The following MEX3C variants were observed in gnomAD, a reference collection of about 807,000 sequenced individuals.
MEX3C encodes the protein RNA-binding E3 ubiquitin-protein ligase MEX3C.
In MEX3C, 15 loss-of-function variants were observed where a neutral mutation model predicts 35.5. That is an observed-to-expected ratio of 0.42 (90% CI 0.28 to 0.65). MEX3C has a LOEUF of 0.65. MEX3C is among the 30% of genes least tolerant of loss of function. The pLI is 0.20. For synonymous variants in MEX3C, 390 were observed against 352.8 expected (o/e 1.11, Z -1.18); for missense variants, 711 against 842.8 (o/e 0.84, Z 1.94).
intron 1 of MEX3C, among the ~76,000 whole-genome samples, chr18:51,181,554 T>C (rs1338758025): frequency 2.0e-5 from 3 of 152,198 alleles, no homozygotes; most frequent in African/African-American, 7.2e-5. Context: ...GCTGTGAGAG[T>C]ATAAACTGCC....
In MEX3C at chr18:51,177,861, C is replaced by A. The variant is rs899698253; in HGVS notation, c.755-285G>T. ...CCACTTTAACTTAACATTACTCTTTCCTCTGTAAAACTCAATTGATGACAA... is the reference window on the plus strand; with the variant it reads ...CCACTTTAACTTAACATTACTCTTTACTCTGTAAAACTCAATTGATGACAA... On this transcript the variant is annotated intron_variant, in intron 1 of 1. Transcript: ENST00000406189. This position sits in a 1 kb window ranked among gnomAD's most constrained non-coding sequence, Gnocchi z 4.2. Among the ~76,000 whole-genome samples, 1 of 152,156 alleles carries A rather than the reference C, an allele frequency of 6.6e-6. No individual in the cohort carries two copies. Among genetic ancestry groups the A allele is most frequent in the African/African-American group, 2.4e-5 (1 of 41,432 alleles).
intron 1 of MEX3C, among the ~76,000 whole-genome samples, chr18:51,186,163 A>G (rs1354930466): frequency 6.6e-6 from 1 of 152,202 alleles, no homozygotes; most frequent in Admixed American, 6.5e-5. Context: ...TAAATTCCCT[A>G]TAAAGATGCT....
rs1187079154 is a variant in MEX3C at position 51,197,065 on chromosome 18, C to T, written c.256G>A (p.Glu86Lys). 5.0e-6 allele frequency: 7 copies of T among 1,402,716 alleles called. No homozygotes were observed. In the South Asian group the frequency reaches 1.1e-4, roughly 21 times the overall value. The allele number at this position is 1,402,716 out of a possible 1,614,324, so 86.9% of individuals were successfully genotyped here. A position where few individuals can be genotyped will look rare whatever the true frequency, so the allele number is the denominator to read the frequency against. The part of the protein sequence containing the change: ...AAQGQARRAA[E>K]LSPEERAPPG... Reference sequence around the variant, plus strand: ...GGAGCCCGCTCCTCTGGAGACAGCTCCGCCGCCCGCCGGGCCTGGCCCTGC... The same window carrying T: ...GGAGCCCGCTCCTCTGGAGACAGCTTCGCCGCCCGCCGGGCCTGGCCCTGC... Residue 86 changes from glutamate to lysine, a missense_variant, in exon 1 of 2, where the codon GAG (glutamate) becomes AAG (lysine). Around this residue, in one of 4 missense-constraint regions of MEX3C, gnomAD observed 354 missense variants for 311.6 expected, o/e 1.14. Coordinates refer to ENST00000406189, the MANE Select transcript of MEX3C (RefSeq NM_016626.5).
rs907255756 is a variant in MEX3C at position 51,175,543 on chromosome 18, C to T, written c.*808G>A. 6.5e-6 allele frequency: 1 copy of T among 152,686 alleles called. No homozygotes were observed. Among genetic ancestry groups the T allele is most frequent in the Non-Finnish European group, 1.5e-5 (1 of 68,028 alleles). 9.5% of individuals were successfully genotyped at this position (152,686 alleles called of 1,614,324 possible). A position where few individuals can be genotyped will look rare whatever the true frequency, so the allele number is the denominator to read the frequency against. On this transcript the variant is annotated 3_prime_UTR_variant, in exon 2 of 2. Transcript: ENST00000406189. ...TTTTGATCTATAGTCTAAAAATTAA[C>T]AGCTCGATCACACTAATGAATGGAA...
intron 1 of MEX3C, among the ~76,000 whole-genome samples, chr18:51,191,422 A>G (rs564533072): frequency 2.7e-4 from 41 of 152,188 alleles, no homozygotes; most frequent in Non-Finnish European, 4.0e-4. Flanking sequence ...AATGACTAAA[A>G]TGAGCAGAGC....
At chr18:51,192,616 T>TAC (rs1912675817) in intron 1 of MEX3C, among the ~76,000 whole-genome samples, 1 of 152,186 alleles carries the variant, frequency 6.6e-6, no homozygotes, top group Admixed American at 6.5e-5. Context: ...TTCAGTATCC[T>TAC]ACGATTAGGG....
At chr18:51,187,613 C>G (rs1260069242) in intron 1 of MEX3C, among the ~76,000 whole-genome samples, 1 of 152,080 alleles carries the variant, frequency 6.6e-6, no homozygotes, top group Non-Finnish European at 1.5e-5. Context: ...GAGGCTGAGA[C>G]AGAAGAATCG....
chr18:51,182,286 G>A (rs1308256166), intron 1 of MEX3C, among the ~76,000 whole-genome samples: 1 of 145,720 alleles, frequency 6.9e-6, no homozygotes, highest in Non-Finnish European at 1.6e-5. Flanking sequence ...AGGCATCCCT[G>A]TTGGATAAGG....
intron 1 of MEX3C, among the ~76,000 whole-genome samples, chr18:51,188,777 T>C (rs964592733): frequency 6.6e-6 from 1 of 152,202 alleles, no homozygotes; most frequent in South Asian, 2.1e-4. Flanking sequence ...CTTTAACCAA[T>C]ATTAATAATG....
intron 1 of MEX3C, chr18:51,192,843 G>A (rs1258434711): frequency 6.6e-6 from 1 of 152,138 alleles, no homozygotes; most frequent in East Asian, 1.9e-4. Flanking sequence ...ACCTAACATA[G>A]TACTAAGCAA....
intron 1 of MEX3C, among the ~76,000 whole-genome samples, chr18:51,182,848 C>T (rs1009489478): frequency 6.6e-5 from 10 of 152,186 alleles, no homozygotes; most frequent in African/African-American, 2.4e-4. Context: ...AAAAAAAGAA[C>T]TCAATATGTT....
At chr18:51,183,638 T>C (rs539542974) in intron 1 of MEX3C, among the ~76,000 whole-genome samples, 1 of 152,252 alleles carries the variant, frequency 6.6e-6, no homozygotes, top group South Asian at 2.1e-4. Flanking sequence ...AATAGTAAAA[T>C]TATCCAGATT....
intron 1 of MEX3C, chr18:51,194,699 C>T (rs1912735339): frequency 6.6e-6 from 1 of 152,114 alleles, no homozygotes; most frequent in East Asian, 1.9e-4. Flanking sequence ...AGACTGTTAC[C>T]ATAAGCACAC....
At chr18:51,195,436 T>G (rs1400837615) in intron 1 of MEX3C, 1 of 152,236 alleles carries the variant, frequency 6.6e-6, no homozygotes, top group African/African-American at 2.4e-5. Context: ...AAGCCAAGTC[T>G]GATATGTGAA....
chr18:51,176,852 T>C lies in MEX3C; in HGVS notation c.1479A>G (p.Ala493=), dbSNP rs776457914. The change falls in exon 2 of 2, where the codon GCA becomes GCG. Residue 493 remains alanine (A), a synonymous_variant. Transcript: ENST00000406189. ...AAGAGTCAAAGGCAGGAGAGTCAACTGCTAGGTCTTCTGAGCCTACAGATG... is the reference window on the plus strand; with the variant it reads ...AAGAGTCAAAGGCAGGAGAGTCAACCGCTAGGTCTTCTGAGCCTACAGATG... ...TLPSVGSEDL[A]VDSPAFDSLP... The C allele has an allele frequency of 6.2e-7, 1 of 1,614,042 alleles. No individual in the cohort carries two copies.
At chr18:51,195,330 TG>T (rs1912753310) in intron 1 of MEX3C, 1 of 152,224 alleles carries the variant, frequency 6.6e-6, no homozygotes, top group African/African-American at 2.4e-5. Context: ...GAACAGTGTC[TG>T]TAAGTGCCAA....
Position 51,177,676 on chromosome 18 carries a change from T to C in MEX3C, c.755-100A>G. ...ACCTTTTAAGCTAAATATCTGGTTATGGGTTAAGTTTTAGAGTTTTTCACA... is the reference window on the plus strand; with the variant it reads ...ACCTTTTAAGCTAAATATCTGGTTACGGGTTAAGTTTTAGAGTTTTTCACA... On this transcript the variant is annotated intron_variant, in intron 1 of 1. Transcript: ENST00000406189. The surrounding 1 kb of genome is among the most constrained non-coding windows in gnomAD (Gnocchi z 4.2). 1.5e-6 allele frequency: 2 copies of C among 1,344,828 alleles called. No individual in the cohort carries two copies. The highest frequency in any genetic ancestry group is 2.0e-4 in the Middle Eastern group (1 of 4,934). 83.3% of individuals were successfully genotyped at this position (1,344,828 alleles called of 1,614,324 possible).
At chr18:51,188,146 C>CACTT (rs1196150800) in intron 1 of MEX3C, among the ~76,000 whole-genome samples, 1 of 152,186 alleles carries the variant, frequency 6.6e-6, no homozygotes, top group Non-Finnish European at 1.5e-5. Flanking sequence ...CTGTTTGTCT[C>CACTT]ACTTTAGGGA....
intron 1 of MEX3C, chr18:51,194,328 G>A (rs79779174): frequency 6.6e-6 from 1 of 152,124 alleles, no homozygotes; most frequent in Non-Finnish European, 1.5e-5. Context: ...GTCAACTCTG[G>A]GAAAATACAA....
Sources: allele counts gnomAD v4.1 joint callset (sites outside exome capture counted in the v4.1 genomes callset), GRCh38; gene constraint gnomAD v4.1.1; regional missense constraint gnomAD v4.1.1; non-coding constraint Gnocchi (gnomAD v3.1); transcripts MANE v1.5; gene names NCBI Gene and HGNC (gene_info 2026-07-23, HGNC 2026-07-21).